The following KAZN variants were observed in gnomAD, a reference collection of about 807,000 sequenced individuals.
The protein encoded by KAZN is kazrin.
KAZN carries 40 observed loss-of-function variants against 87.4 expected under a neutral mutation model. The ratio of observed to expected loss-of-function variants is 0.46; its 90% CI spans 0.36 to 0.60. The LOEUF (loss-of-function observed/expected upper bound fraction) is 0.60. Among genes scored for constraint, KAZN ranks in the 20% least tolerant of loss-of-function variants. The probability of loss-of-function intolerance (pLI) is 0.00; values close to 1 mark genes in which losing one functional copy is unlikely to be tolerated. For synonymous variants in KAZN, 466 were observed against 458.3 expected (o/e 1.02, Z -0.22); for missense variants, 898 against 1,073.9 (o/e 0.84, Z 2.29).
chr1:14,208,246 GCTAT>G (rs1383081207), intron 2 of KAZN, among the ~76,000 whole-genome samples: 1 of 152,170 alleles, frequency 6.6e-6, no homozygotes, highest in African/African-American at 2.4e-5. Flanking sequence ...ATAATGTACA[GCTAT>G]CTGTGTTTAG....
intron 2 of KAZN, among the ~76,000 whole-genome samples, chr1:14,292,191 C>T (rs1653758108): frequency 6.6e-6 from 1 of 152,228 alleles, no homozygotes; most frequent in African/African-American, 2.4e-5. Flanking sequence ...GCTGACATTG[C>T]TCTGTGCTGT....
chr1:15,047,852 G>A (rs1673750312), intron 4 of KAZN, among the ~76,000 whole-genome samples: 1 of 152,182 alleles, frequency 6.6e-6, no homozygotes, highest in Non-Finnish European at 1.5e-5. Flanking sequence ...CTGCAGCTGG[G>A]GGACGAACAT....
chr1:14,253,589 T>TA (rs1305554131), intron 2 of KAZN, among the ~76,000 whole-genome samples: 1 of 152,078 alleles, frequency 6.6e-6, no homozygotes, highest in East Asian at 1.9e-4. Flanking sequence ...TCCTTTCAGG[T>TA]AAAATCCAAG....
chr1:14,571,752 A>T (rs1416025788), intron 2 of KAZN, among the ~76,000 whole-genome samples: 1 of 152,166 alleles, frequency 6.6e-6, no homozygotes, highest in African/African-American at 2.4e-5. Context: ...CTCCGCCAAG[A>T]TTCCATAGAG....
Position 15,112,415 on chromosome 1 carries a change from T to C in KAZN, c.2049-12T>C, listed in dbSNP as rs1279831831. 1.3e-6 allele frequency: 2 copies of C among 1,552,016 alleles called. No homozygotes were observed. Among genetic ancestry groups the C allele is most frequent in the East Asian group, 2.3e-5 (1 of 42,664 alleles). On this transcript the variant is annotated splice_polypyrimidine_tract_variant and intron_variant, in intron 13 of 14. Coordinates refer to ENST00000376030, the MANE Select transcript of KAZN (RefSeq NM_201628.3). ...AGCCTCCCCTGCTGACTCAAAATGG[T>C]CCTCTCTTCAGCTCCACAGGCATCC...
intron 1 of KAZN, among the ~76,000 whole-genome samples, chr1:14,090,027 G>A (rs1360788764): frequency 1.3e-5 from 2 of 148,310 alleles, no homozygotes; most frequent in East Asian, 3.9e-4. Context: ...TTTTTTTCCT[G>A]TGGCAGCTTT....
At chr1:14,110,603 T>A (rs1644483639) in intron 1 of KAZN, among the ~76,000 whole-genome samples, 1 of 137,142 alleles carries the variant, frequency 7.3e-6, no homozygotes. Flanking sequence ...CTTGGAATGA[T>A]ACATTATTTT....
chr1:14,399,181 ATATT>A, intron 2 of KAZN, among the ~76,000 whole-genome samples: 2 of 151,628 alleles, frequency 1.3e-5, no homozygotes, highest in Middle Eastern at 6.8e-3. Flanking sequence ...TTATTTATTT[ATATT>A]TATTTATTTT....
At chr1:14,331,445 G>A (rs977605593) in intron 2 of KAZN, among the ~76,000 whole-genome samples, 1 of 152,146 alleles carries the variant, frequency 6.6e-6, no homozygotes, top group Non-Finnish European at 1.5e-5. Context: ...TGGTTTCCAA[G>A]GTATGGCATT....
chr1:14,665,397 C>T (rs183476039), intron 1 of KAZN, among the ~76,000 whole-genome samples: 25 of 152,166 alleles, frequency 1.6e-4, no homozygotes, highest in Admixed American at 1.3e-3. Flanking sequence ...TGACATTTAT[C>T]GACTCTGCTG....
chr1:14,757,574 G>A (rs1011925526), intron 1 of KAZN, among the ~76,000 whole-genome samples: 1 of 152,218 alleles, frequency 6.6e-6, no homozygotes, highest in Non-Finnish European at 1.5e-5. Context: ...AATTTATGGA[G>A]AGTGTGTAGT....
At chr1:14,661,827 G>A (rs1639189384) in intron 1 of KAZN, among the ~76,000 whole-genome samples, 1 of 152,024 alleles carries the variant, frequency 6.6e-6, no homozygotes, top group African/African-American at 2.4e-5. Context: ...GAGGCGTGAG[G>A]ATCACTTGAA....
intron 2 of KAZN, among the ~76,000 whole-genome samples, chr1:15,010,651 A>G (rs982687224): frequency 6.6e-6 from 1 of 152,122 alleles, no homozygotes; most frequent in Non-Finnish European, 1.5e-5. Flanking sequence ...TTGGCCTCCC[A>G]AAGTGCTGGA....
chr1:14,116,172 G>A lies in KAZN; in HGVS notation c.92-64263G>A, dbSNP rs192129878. On this transcript the variant is annotated intron_variant, in intron 1 of 16. Coordinates refer to the KAZN transcript ENST00000636203. ...ATCCAAGCTGACTTAAGAAATTTGC[G>A]TAAGTAACAAGGAACCAATTGTTAA... Among the ~76,000 whole-genome samples the A allele has an allele frequency of 4.1e-4, 63 of 152,312 alleles. 1 individual carries two copies. The highest frequency in any genetic ancestry group is 1.2e-3 in the South Asian group (6 of 4,818).
At chr1:14,466,703 T>A (rs1427057117) in intron 2 of KAZN, among the ~76,000 whole-genome samples, 1 of 149,548 alleles carries the variant, frequency 6.7e-6, no homozygotes, top group East Asian at 2.0e-4. Context: ...GCGCGGTGGC[T>A]CACGCCTGTA....
intron 1 of KAZN, chr1:13,893,778 A>G (rs1638926660): frequency 6.5e-7 from 1 of 1,549,634 alleles, no homozygotes; most frequent in Admixed American, 2.0e-5. Flanking sequence ...GTCGTGTGTC[A>G]TGTGCCCAGA....
intron 2 of KAZN, among the ~76,000 whole-genome samples, chr1:15,019,589 A>G (rs1670459629): frequency 6.6e-6 from 1 of 152,054 alleles, no homozygotes; most frequent in Admixed American, 6.6e-5. Context: ...GGGTTTCGCC[A>G]TGTTGGCCAG....
chr1:14,490,108 A>G (rs1280054904), intron 2 of KAZN, among the ~76,000 whole-genome samples: 2 of 152,170 alleles, frequency 1.3e-5, no homozygotes, highest in African/African-American at 2.4e-5. Context: ...TTTGTGCTGG[A>G]CAGTTTGGCA....
At chr1:14,447,208 CATTATTATTATTATTATT>C (rs55650123) in intron 2 of KAZN, among the ~76,000 whole-genome samples, 45 of 131,178 alleles carry the variant, frequency 3.4e-4, no homozygotes, top group Non-Finnish European at 4.9e-4. Flanking sequence ...GTTTCCACCA[CATTATTATTATTATTATT>C]ATTATTATTA....
Sources: gnomAD v4.1 joint callset for allele counts (sites outside exome capture counted in the v4.1 genomes callset) on GRCh38, gnomAD v4.1.1 for gene constraint, MANE v1.5 for transcripts, NCBI Gene and HGNC (gene_info 2026-07-23, HGNC 2026-07-21) for gene names.